Variants in SLC24A2 observed in about 807,000 individuals in gnomAD.
SLC24A2 encodes the protein sodium/potassium/calcium exchanger 2.
A neutral mutation model predicts 62.0 loss-of-function variants in SLC24A2; 36 were observed. The ratio of observed to expected loss-of-function variants is 0.58; its 90% CI spans 0.44 to 0.77. SLC24A2 has a LOEUF of 0.77. SLC24A2 is among the 30% of genes least tolerant of loss of function. The pLI is 0.00. For missense variants in SLC24A2, 846 were observed against 817.9 expected (o/e 1.03, Z -0.42); for synonymous variants, 358 against 294.0 (o/e 1.22, Z -2.23).
the SLC24A2 span, among the ~76,000 whole-genome samples, chr9:20,269,662 T>TC: frequency 6.6e-6 from 1 of 152,062 alleles, no homozygotes; most frequent in Non-Finnish European, 1.5e-5. Context: ...TACAACCTGC[T>TC]CCCCCGACCC....
At chr9:20,021,901 A>C in the SLC24A2 span, among the ~76,000 whole-genome samples, 1 of 151,358 alleles carries the variant, frequency 6.6e-6, no homozygotes, top group African/African-American at 2.4e-5. Context: ...GTTTCTGCTG[A>C]CTCTGCCTCT....
chr9:19,709,481 A>G (rs942984479), intron 2 of SLC24A2, among the ~76,000 whole-genome samples: 10 of 152,184 alleles, frequency 6.6e-5, no homozygotes, highest in South Asian at 2.1e-4. Flanking sequence ...CACTATTCAC[A>G]ATAGCAAAGA....
At chr9:20,138,968 A>G in the SLC24A2 span, among the ~76,000 whole-genome samples, 1 of 152,142 alleles carries the variant, frequency 6.6e-6, no homozygotes, top group African/African-American at 2.4e-5. Flanking sequence ...TCTGCCTCAA[A>G]AACAGCTTAG....
the SLC24A2 span, among the ~76,000 whole-genome samples, chr9:19,862,875 A>G: frequency 8.3e-3 from 1,260 of 152,128 alleles, 11 homozygotes; most frequent in Non-Finnish European, 0.013. Flanking sequence ...AAATTAAATC[A>G]CATCTCCAGA....
chr9:20,178,048 C>A, the SLC24A2 span, among the ~76,000 whole-genome samples: 2 of 152,128 alleles, frequency 1.3e-5, no homozygotes, highest in African/African-American at 4.8e-5. Flanking sequence ...TCACTTACAG[C>A]ATCTGCTATT....
chr9:20,167,423 G>T, the SLC24A2 span, among the ~76,000 whole-genome samples: 1 of 152,004 alleles, frequency 6.6e-6, no homozygotes, highest in African/African-American at 2.4e-5. Context: ...GGGAAGGCAA[G>T]AAAGAATCCT....
chr9:20,269,961 A>G, the SLC24A2 span, among the ~76,000 whole-genome samples: 1 of 152,176 alleles, frequency 6.6e-6, no homozygotes, highest in South Asian at 2.1e-4. Context: ...GTCCAGGGGC[A>G]TGGCCCTGCC....
the SLC24A2 span, among the ~76,000 whole-genome samples, chr9:19,919,350 T>C: frequency 1.3e-5 from 2 of 152,182 alleles, no homozygotes; most frequent in African/African-American, 2.4e-5. Context: ...GTGATGGCAA[T>C]GTACCAGTTA....
At chr9:20,193,984 A>G in the SLC24A2 span, among the ~76,000 whole-genome samples, 1 of 152,218 alleles carries the variant, frequency 6.6e-6, no homozygotes, top group Non-Finnish European at 1.5e-5. Context: ...GCACAGGAAT[A>G]GAATCAATGG....
At chr9:19,734,861 T>G (rs201313621) in intron 2 of SLC24A2, among the ~76,000 whole-genome samples, 2 of 152,016 alleles carry the variant, frequency 1.3e-5, no homozygotes, top group Non-Finnish European at 2.9e-5. Context: ...AAATTAATTC[T>G]AGATGGATTA....
chr9:20,282,574 A>T, the SLC24A2 span, among the ~76,000 whole-genome samples: 1 of 152,236 alleles, frequency 6.6e-6, no homozygotes, highest in Non-Finnish European at 1.5e-5. Context: ...AGATGCCAGC[A>T]GCAACCCCGC....
At chr9:19,750,796 T>C (rs1273942304) in intron 2 of SLC24A2, among the ~76,000 whole-genome samples, 1 of 152,112 alleles carries the variant, frequency 6.6e-6, no homozygotes, top group African/African-American at 2.4e-5. Flanking sequence ...CAACAACAGA[T>C]GGTGCCAAGC....
chr9:19,522,191 G>A (rs1833237176), intron 9 of SLC24A2, among the ~76,000 whole-genome samples: 2 of 151,950 alleles, frequency 1.3e-5, no homozygotes, highest in South Asian at 4.2e-4. Context: ...TTTAGAGATG[G>A]TTCTTACTAT....
intron 2 of SLC24A2, among the ~76,000 whole-genome samples, chr9:19,670,868 C>T (rs1258367073): frequency 2.0e-5 from 3 of 152,284 alleles, no homozygotes; most frequent in South Asian, 4.2e-4. Context: ...TTCTAAGGAA[C>T]ATTTCTGATA....
chr9:19,920,883 A>C, the SLC24A2 span, among the ~76,000 whole-genome samples: 200 of 152,304 alleles, frequency 1.3e-3, 1 homozygote, highest in African/African-American at 4.6e-3. Context: ...ACCTGGGTTC[A>C]AACCAGATCT....
chr9:20,022,811 AT>A, the SLC24A2 span, among the ~76,000 whole-genome samples: 1 of 152,144 alleles, frequency 6.6e-6, no homozygotes, highest in Non-Finnish European at 1.5e-5. Flanking sequence ...ACAACCATCT[AT>A]TTGCTAATAA....
the SLC24A2 span, among the ~76,000 whole-genome samples, chr9:20,243,293 C>G: frequency 2.6e-5 from 4 of 152,294 alleles, no homozygotes; most frequent in East Asian, 5.8e-4. Flanking sequence ...ATCCTCTTCT[C>G]ATGAGACTAT....
At chr9:19,962,328 G>T in the SLC24A2 span, among the ~76,000 whole-genome samples, 2 of 152,188 alleles carry the variant, frequency 1.3e-5, no homozygotes, top group African/African-American at 4.8e-5. Context: ...TTTAGCTTAG[G>T]ATTGACTTGG....
At chr9:19,688,118 T>C (rs1246523747) in intron 2 of SLC24A2, among the ~76,000 whole-genome samples, 1 of 152,154 alleles carries the variant, frequency 6.6e-6, no homozygotes, top group East Asian at 1.9e-4. Context: ...GTTCAGCTTG[T>C]AGCTTGTATA....
Sources: allele counts gnomAD v4.1 joint callset (sites outside exome capture counted in the v4.1 genomes callset), GRCh38; gene constraint gnomAD v4.1.1; transcripts MANE v1.5; gene names NCBI Gene and HGNC (gene_info 2026-07-23, HGNC 2026-07-21).